SARNP: variants seen among roughly 807,000 people sequenced by gnomAD.
SARNP encodes SAP domain containing ribonucleoprotein.
SARNP carries 5 observed loss-of-function variants against 38.1 expected under a neutral mutation model. The observed-to-expected ratio is 0.13, with a 90% CI of 0.07 to 0.28. The LOEUF is 0.28. Among genes scored for constraint, SARNP ranks in the 10% least tolerant of loss-of-function variants. The probability of loss-of-function intolerance (pLI) is 1.00; values close to 1 mark genes in which losing one functional copy is unlikely to be tolerated. For missense variants in SARNP, 180 were observed against 243.9 expected (o/e 0.74, Z 1.75); for synonymous variants, 84 against 80.6 (o/e 1.04, Z -0.23).
At chr12:55,755,446 T>C (rs912397182), downstream of SARNP, 2 of 152,178 alleles carry the variant, frequency 1.3e-5, no homozygotes, top group Non-Finnish European at 2.9e-5. Context: ...GACTCCCTCA[T>C]TAAGAGCTTC....
At chr12:55,814,486 G>A (rs1027349286) in intron 1 of SARNP, among the ~76,000 whole-genome samples, 2 of 152,052 alleles carry the variant, frequency 1.3e-5, no homozygotes, top group Non-Finnish European at 2.9e-5. Flanking sequence ...CCTCTCCTCT[G>A]CAATAGTTCC....
intron 9 of SARNP, among the ~76,000 whole-genome samples, chr12:55,773,900 G>A (rs1169017160): frequency 1.3e-5 from 2 of 152,078 alleles, no homozygotes; most frequent in Non-Finnish European, 2.9e-5. Flanking sequence ...TAGAGACGGG[G>A]TTTCACCATG....
At chr12:55,796,103 T>C in intron 4 of SARNP, 27 bp from the exon 5 acceptor site, 2 of 1,494,240 alleles carry the variant, frequency 1.3e-6, no homozygotes, top group Non-Finnish European at 9.3e-7. Flanking sequence ...TTTTTTAAAA[T>C]GAGAAAACTG....
At chr12:55,779,239 G>A (rs1403074369) in intron 9 of SARNP, among the ~76,000 whole-genome samples, 1 of 152,206 alleles carries the variant, frequency 6.6e-6, no homozygotes, top group African/African-American at 2.4e-5. Context: ...GGGGAAAACT[G>A]ATAACCTAGG....
At position 55,806,250 on chromosome 12, in the gene SARNP, T is replaced by C. The variant is rs189014800; in HGVS notation, c.37-2522A>G. Among the ~76,000 whole-genome samples the C allele has an allele frequency of 4.6e-5, 7 of 152,120 alleles. No homozygotes were observed. In the East Asian group the frequency reaches 1.3e-3, roughly 29 times the overall value. Reference sequence around the variant, plus strand: ...GATAACAGTACCTATTTCATAGGGTTGTTATGAAGACTAAATTAAAAAAAA... The same window carrying C: ...GATAACAGTACCTATTTCATAGGGTCGTTATGAAGACTAAATTAAAAAAAA... On this transcript the variant is annotated intron_variant, in intron 1 of 10. Transcript: ENST00000336133.
chr12:55,808,574 G>A (rs1045924748), intron 1 of SARNP, among the ~76,000 whole-genome samples: 19 of 152,038 alleles, frequency 1.2e-4, no homozygotes, highest in Non-Finnish European at 1.8e-4. Context: ...TGGGATTACA[G>A]ACATGAGCCA....
chr12:55,774,577 AACAAAAAAAAAAAAAC>A (rs1565673557), intron 9 of SARNP, among the ~76,000 whole-genome samples: 5 of 62,924 alleles, frequency 7.9e-5, no homozygotes, highest in African/African-American at 6.3e-5. Flanking sequence ...AAAAAAAACA[AACAAAAAAAAAAAAAC>A]AAAAATTAGC....
Position 55,774,587 on chromosome 12 carries a change from AAAAAAC to A in SARNP, c.502-13953_502-13948del, listed in dbSNP as rs1160952302. ...AAAAAAAAAAAAACAAACAAAAAAAAAAAAACAAAAATTAGCCAGGTGTGGCGGCAT... is the reference window on the plus strand; with the variant it reads ...AAAAAAAAAAAAACAAACAAAAAAAAAAAAATTAGCCAGGTGTGGCGGCAT... On this transcript the variant is annotated intron_variant, in intron 9 of 10. Coordinates refer to ENST00000336133, the MANE Select transcript of SARNP (RefSeq NM_033082.4). 1.8e-4 allele frequency among the ~76,000 whole-genome samples: 27 copies of A among 149,354 alleles called. 1 individual carries two copies. Among genetic ancestry groups the A allele is most frequent in the African/African-American group, 6.5e-4 (26 of 39,830 alleles).
chr12:55,790,935 G>T (rs934011467), intron 7 of SARNP, among the ~76,000 whole-genome samples: 2 of 152,116 alleles, frequency 1.3e-5, no homozygotes, highest in African/African-American at 4.8e-5. Context: ...TAGACAAAAA[G>T]TTAAAGAAAA....
intron 1 of SARNP, among the ~76,000 whole-genome samples, chr12:55,813,009 C>T (rs984041419): frequency 6.6e-6 from 1 of 151,962 alleles, no homozygotes; most frequent in African/African-American, 2.4e-5. Flanking sequence ...TGCAATGGCG[C>T]GATCTCGGCT....
chr12:55,779,983 C>T (rs1262531550), intron 9 of SARNP, among the ~76,000 whole-genome samples: 1 of 152,070 alleles, frequency 6.6e-6, no homozygotes, highest in African/African-American at 2.4e-5. Flanking sequence ...CCTGTCTCCA[C>T]AAAAAAATTG....
intron 9 of SARNP, among the ~76,000 whole-genome samples, chr12:55,772,549 C>T (rs924671649): frequency 1.3e-5 from 2 of 152,036 alleles, no homozygotes. Flanking sequence ...CAAAGCAAGG[C>T]AGGCAGAGGA....
chr12:55,771,116 T>C (rs1255091337), intron 9 of SARNP, among the ~76,000 whole-genome samples: 1 of 152,002 alleles, frequency 6.6e-6, no homozygotes, highest in Non-Finnish European at 1.5e-5. Flanking sequence ...TTTTGTTTGT[T>C]TGTTTGTTTG....
chr12:55,765,482 A>C (rs1050587590), intron 9 of SARNP, among the ~76,000 whole-genome samples: 4 of 151,466 alleles, frequency 2.6e-5, no homozygotes, highest in African/African-American at 9.7e-5. Flanking sequence ...GTAGCTAAGA[A>C]CTAAAGGTAT....
intron 9 of SARNP, among the ~76,000 whole-genome samples, chr12:55,781,710 C>A (rs1175626977): frequency 1.3e-5 from 2 of 152,040 alleles, no homozygotes; most frequent in African/African-American, 2.4e-5. Context: ...TATTTTCAAC[C>A]TTTTTATATT....
intron 4 of SARNP, among the ~76,000 whole-genome samples, chr12:55,799,075 T>C (rs1170193195): frequency 2.0e-5 from 3 of 152,222 alleles, no homozygotes; most frequent in African/African-American, 7.2e-5. Context: ...TGTATCTATA[T>C]ATACACATAC....
chr12:55,780,571 G>A (rs1184485802), intron 9 of SARNP, among the ~76,000 whole-genome samples: 2 of 152,128 alleles, frequency 1.3e-5, no homozygotes, highest in Non-Finnish European at 2.9e-5. Context: ...TTGGGAAGCT[G>A]AAGCAGGAGA....
At chr12:55,760,430 C>A in intron 10 of SARNP, 121 bp downstream of exon 10, 1 of 644,564 alleles carries the variant, frequency 1.6e-6, no homozygotes. Context: ...GAGACCCCAA[C>A]TCGACTTAAA....
chr12:55,800,489 A>G (rs1041300566), intron 4 of SARNP, 73 bp downstream of exon 4: 1 of 1,097,244 alleles, frequency 9.1e-7, no homozygotes, highest in African/African-American at 1.6e-5. Flanking sequence ...AGAGGTAAAC[A>G]AAGTTAAACA....
Sources: gnomAD v4.1 joint callset for allele counts (sites outside exome capture counted in the v4.1 genomes callset) on GRCh38, gnomAD v4.1.1 for gene constraint, MANE v1.5 for transcripts, NCBI Gene and HGNC (gene_info 2026-07-23, HGNC 2026-07-21) for gene names.